Variants in MINDY4B observed in about 807,000 individuals in gnomAD.
MINDY4B encodes MINDY family member 4B, also known as inactive ubiquitin carboxyl-terminal hydrolase MINDY-4B.
Under a neutral mutation model 16.7 loss-of-function variants are expected in MINDY4B, and 25 were observed. The observed-to-expected ratio is 1.49, with a 90% CI of 1.09 to 2.09. The LOEUF (loss-of-function observed/expected upper bound fraction) is 2.09, where lower values mean the gene tolerates loss of function less well. MINDY4B is among the 30% of genes most tolerant of loss of function. MINDY4B has a pLI of 0.00. For missense variants in MINDY4B, 327 were observed against 168.4 expected (o/e 1.94, Z -5.21); for synonymous variants, 132 against 61.9 (o/e 2.13, Z -5.32).
chr3:150,890,807 C>A (rs925171722), intron 6 of MINDY4B, 131 bp downstream of exon 6: 13 of 602,924 alleles, frequency 2.2e-5, no homozygotes, highest in Admixed American at 1.3e-4. Context: ...TTGGTACCTG[C>A]CTCTTTGGAA....
intron 10 of MINDY4B, among the ~76,000 whole-genome samples, chr3:150,879,778 T>A (rs941436494): frequency 6.6e-6 from 1 of 152,120 alleles, no homozygotes; most frequent in Non-Finnish European, 1.5e-5. Flanking sequence ...TGGGCATTGA[T>A]AGTTGTAAAA....
At chr3:150,897,230 G>T (rs937477864) in intron 3 of MINDY4B, among the ~76,000 whole-genome samples, 1 of 151,994 alleles carries the variant, frequency 6.6e-6, no homozygotes, top group African/African-American at 2.4e-5. Context: ...TAACAGAGGG[G>T]AGACTAGACA....
chr3:150,881,519 A>G (rs1711521168), intron 10 of MINDY4B, among the ~76,000 whole-genome samples: 1 of 151,438 alleles, frequency 6.6e-6, no homozygotes, highest in African/African-American at 2.4e-5. Flanking sequence ...ACACACCTGT[A>G]ATCCCACCAC....
At position 150,883,692 on chromosome 3, in the gene MINDY4B, C is replaced by T. The variant is rs1460686642; in HGVS notation, c.897+8G>A. The T allele has an allele frequency of 1.4e-6, 1 of 702,688 alleles. No individual in the cohort carries two copies. The highest frequency in any genetic ancestry group is 1.5e-5 in the South Asian group (1 of 67,588). The allele number at this position is 702,688 out of a possible 1,614,324, so 43.5% of individuals were successfully genotyped here. Reference sequence around the variant, plus strand: ...TCTACAATAGAAAGGCAGAGTCTTCCAGCTCACCTGCCTGCACAGAAAGCC... The same window carrying T: ...TCTACAATAGAAAGGCAGAGTCTTCTAGCTCACCTGCCTGCACAGAAAGCC... On this transcript the variant is annotated splice_region_variant and intron_variant, in intron 9 of 11. Transcript: ENST00000465419.
In MINDY4B at chr3:150,883,709, C is replaced by T. The variant is rs1191771384; in HGVS notation, c.888G>A (p.Leu296=). 2 of 702,800 alleles carry T rather than the reference C, an allele frequency of 2.8e-6. No homozygotes were observed. The highest frequency in any genetic ancestry group is 4.6e-4 in the Middle Eastern group (2 of 4,364). The allele number at this position is 702,800 out of a possible 1,614,324, so 43.5% of individuals were successfully genotyped here. A position where few individuals can be genotyped will look rare whatever the true frequency, so the allele number is the denominator to read the frequency against. Residue 296 remains leucine (L), a synonymous_variant, in exon 9 of 12, where the codon CTG becomes CTA. Transcript: ENST00000465419. ...QLLQPNAGGF[L]CRQAVLNMIL... ...GAGTCTTCCAGCTCACCTGCCTGCA[C>T]AGAAAGCCTCCAGCATTTGGTTGTA...
chr3:150,879,387 A>G (rs910650368), intron 10 of MINDY4B, among the ~76,000 whole-genome samples: 4 of 152,178 alleles, frequency 2.6e-5, no homozygotes, highest in Admixed American at 6.5e-5. Context: ...ATGCTGCTCA[A>G]TAGCCTGCAG....
Position 150,893,718 on chromosome 3 carries a change from T to G in MINDY4B, c.430-303A>C, listed in dbSNP as rs1711885564. On this transcript the variant is annotated intron_variant, in intron 4 of 11. Coordinates refer to ENST00000465419, the MANE Select transcript of MINDY4B (RefSeq NM_001351281.2). ...TTTTGGGGGGGGGGGTGGGGTGCAG[T>G]CTTGCTCTGTCTCCCAGGCTGGAGT... Among the ~76,000 whole-genome samples, 7 of 146,464 alleles carry G rather than the reference T, an allele frequency of 4.8e-5. No individual in the cohort carries two copies. In the South Asian group the frequency reaches 1.1e-3, roughly 24 times the overall value.
intron 10 of MINDY4B, among the ~76,000 whole-genome samples, chr3:150,876,672 C>T (rs1452413174): frequency 6.6e-6 from 1 of 152,158 alleles, no homozygotes; most frequent in Non-Finnish European, 1.5e-5. Context: ...ATCAGACTCT[C>T]TAAAGGGAAA....
At chr3:150,877,400 T>C (rs1711498251) in intron 10 of MINDY4B, among the ~76,000 whole-genome samples, 1 of 152,146 alleles carries the variant, frequency 6.6e-6, no homozygotes. Flanking sequence ...AAAGGAAAGG[T>C]AGTGGCTGCA....
chr3:150,875,603 A>AGTTTTC (rs1711496185), intron 10 of MINDY4B, among the ~76,000 whole-genome samples: 3 of 152,190 alleles, frequency 2.0e-5, no homozygotes, highest in African/African-American at 7.2e-5. Context: ...GCAATACAAC[A>AGTTTTC]GTTTTCTTTC....
chr3:150,897,218 T>G (rs922301380), intron 3 of MINDY4B, among the ~76,000 whole-genome samples: 11 of 152,074 alleles, frequency 7.2e-5, no homozygotes, highest in Non-Finnish European at 1.5e-4. Context: ...GCCTGTTACC[T>G]GTAACAGAGG....
chr3:150,876,263 T>C (rs1711497029), intron 10 of MINDY4B, among the ~76,000 whole-genome samples: 1 of 152,238 alleles, frequency 6.6e-6, no homozygotes, highest in Non-Finnish European at 1.5e-5. Context: ...GCAAGGAAGA[T>C]GGACAAATTC....
rs1173605266 is a variant in MINDY4B at position 150,894,306 on chromosome 3, C to G, written c.310-1G>C. 2 of 688,848 alleles carry G rather than the reference C, an allele frequency of 2.9e-6. No homozygotes were observed. Among genetic ancestry groups the G allele is most frequent in the African/African-American group, 3.6e-5 (2 of 56,304 alleles). 42.7% of individuals were successfully genotyped at this position (688,848 alleles called of 1,614,324 possible). A position where few individuals can be genotyped will look rare whatever the true frequency, so the allele number is the denominator to read the frequency against. The stretch of plus-strand genomic sequence containing the variant: ...TTCCAAACAGGATCTGCCGCAGCTT[C>G]TGAAAAGAGGGGAAAGAAATGATTC... On this transcript the variant is annotated splice_acceptor_variant, in intron 3 of 11. Transcript: ENST00000465419. LOFTEE classifies it high-confidence loss of function.
intron 3 of MINDY4B, among the ~76,000 whole-genome samples, chr3:150,899,378 T>C (rs1205749152): frequency 2.0e-5 from 3 of 152,196 alleles, no homozygotes; most frequent in African/African-American, 7.2e-5. Flanking sequence ...TTTATAAAGA[T>C]GTGGGCTCGG....
rs757633940 is a variant in MINDY4B at position 150,873,299 on chromosome 3, G to T, written c.1128C>A (p.Ile376=). ...WLCNINGNYS[I]LFCTNRQLLS... Reference sequence around the variant, plus strand: ...AGAGCTGCCTGTTTGTGCAAAAAAGGATGCTGTAATTTCCATTGATGTTGC... The same window carrying T: ...AGAGCTGCCTGTTTGTGCAAAAAAGTATGCTGTAATTTCCATTGATGTTGC... The change falls in exon 11 of 12, where the codon ATC becomes ATA. Residue 376 remains isoleucine, a synonymous_variant. Transcript: ENST00000465419. 1.4e-6 allele frequency: 1 copy of T among 702,844 alleles called. No homozygotes were observed. Among genetic ancestry groups the T allele is most frequent in the South Asian group, 1.5e-5 (1 of 67,588 alleles). The allele number at this position is 702,844 out of a possible 1,614,324, so 43.5% of individuals were successfully genotyped here.
chr3:150,900,636 T>A (rs1043354655), intron 3 of MINDY4B, among the ~76,000 whole-genome samples: 12 of 150,836 alleles, frequency 8.0e-5, no homozygotes, highest in Non-Finnish European at 1.6e-4. Context: ...TCCAAATTTA[T>A]TTTTTTTTAA....
chr3:150,898,506 C>A (rs1308949353), intron 3 of MINDY4B, among the ~76,000 whole-genome samples: 1 of 152,190 alleles, frequency 6.6e-6, no homozygotes, highest in African/African-American at 2.4e-5. Flanking sequence ...GATGACCCAA[C>A]TTACTTGTGT....
chr3:150,885,011 T>C (rs997810977), intron 8 of MINDY4B, among the ~76,000 whole-genome samples: 3 of 152,210 alleles, frequency 2.0e-5, no homozygotes, highest in Admixed American at 6.5e-5. Flanking sequence ...TTGCATATCA[T>C]AGAGACAAAA....
intron 10 of MINDY4B, among the ~76,000 whole-genome samples, chr3:150,875,943 T>G (rs574091367): frequency 6.6e-6 from 1 of 152,354 alleles, no homozygotes; most frequent in South Asian, 2.1e-4. Flanking sequence ...TATAAGCAGT[T>G]TGACTGGCAT....
Sources: allele counts gnomAD v4.1 joint callset (sites outside exome capture counted in the v4.1 genomes callset), GRCh38; gene constraint gnomAD v4.1.1; transcripts MANE v1.5; gene names NCBI Gene and HGNC (gene_info 2026-07-23, HGNC 2026-07-21).